Variants in FAM184A observed in about 807,000 individuals in gnomAD.
FAM184A encodes family with sequence similarity 184 member A.
FAM184A carries 99 observed loss-of-function variants against 143.8 expected under a neutral mutation model. The ratio of observed to expected loss-of-function variants is 0.69; its 90% CI spans 0.58 to 0.81. FAM184A has a LOEUF of 0.81. Ranked by LOEUF, FAM184A falls within the 40% of genes least tolerant of loss-of-function variation. FAM184A has a pLI of 0.00. For missense variants in FAM184A, 1,217 were observed against 1,310.5 expected (o/e 0.93, Z 1.10); for synonymous variants, 427 against 446.4 (o/e 0.96, Z 0.55).
chr6:119,012,572 T>C (rs376881349), intron 5 of FAM184A, among the ~76,000 whole-genome samples: 3 of 152,250 alleles, frequency 2.0e-5, no homozygotes, highest in Non-Finnish European at 4.4e-5. Context: ...GTGTGAAATG[T>C]TGTCTACTAG....
At chr6:119,104,861 C>T (rs7745120) in intron 1 of FAM184A, among the ~76,000 whole-genome samples, 195 of 152,158 alleles carry the variant, frequency 1.3e-3, no homozygotes, top group African/African-American at 4.4e-3. Flanking sequence ...AGTGATAAGT[C>T]ATTTTGATAG....
At chr6:119,134,332 A>G (rs1448722659) in intron 1 of FAM184A, among the ~76,000 whole-genome samples, 1 of 152,116 alleles carries the variant, frequency 6.6e-6, no homozygotes, top group East Asian at 1.9e-4. Context: ...GTGCGGTACC[A>G]GTTTTCAGTT....
intron 1 of FAM184A, among the ~76,000 whole-genome samples, chr6:119,135,172 A>G (rs1789630380): frequency 6.6e-6 from 1 of 152,240 alleles, no homozygotes; most frequent in Non-Finnish European, 1.5e-5. Context: ...AATGAACTAC[A>G]GGTACATGTA....
At chr6:118,992,338 C>T (rs1429515360) in intron 9 of FAM184A, among the ~76,000 whole-genome samples, 5 of 152,120 alleles carry the variant, frequency 3.3e-5, no homozygotes, top group South Asian at 4.2e-4. Context: ...GATCCCCAAG[C>T]GCTGTGGACT....
chr6:119,096,896 G>A (rs554707673), intron 1 of FAM184A, among the ~76,000 whole-genome samples: 4 of 152,238 alleles, frequency 2.6e-5, no homozygotes, highest in South Asian at 2.1e-4. Flanking sequence ...CAGGAAGCCC[G>A]TCCAAGCTCA....
intron 1 of FAM184A, among the ~76,000 whole-genome samples, chr6:119,057,583 ATTTT>A (rs1554192896): frequency 6.6e-6 from 1 of 151,976 alleles, no homozygotes; most frequent in Non-Finnish European, 1.5e-5. Context: ...GTACAAAAAA[ATTTT>A]TTTAATTATT....
intron 1 of FAM184A, among the ~76,000 whole-genome samples, chr6:119,139,300 G>C (rs1055539382): frequency 1.3e-5 from 2 of 152,180 alleles, no homozygotes; most frequent in Non-Finnish European, 2.9e-5. Flanking sequence ...CTCTTTATTA[G>C]AAAGTCAAGT....
chr6:118,974,982 A>G (rs1347467945), intron 13 of FAM184A, 42 bp downstream of exon 13: 2 of 1,481,914 alleles, frequency 1.3e-6, no homozygotes, highest in Non-Finnish European at 1.8e-6. Flanking sequence ...ACAGTTTTTC[A>G]GATGACACTG....
chr6:119,100,916 G>A (rs575729537), intron 1 of FAM184A, among the ~76,000 whole-genome samples: 9 of 151,202 alleles, frequency 6.0e-5, no homozygotes, highest in East Asian at 4.0e-4. Context: ...CTGAGATCAC[G>A]CCACTGCACT....
intron 1 of FAM184A, among the ~76,000 whole-genome samples, chr6:119,092,578 C>T (rs1426084609): frequency 1.3e-5 from 2 of 152,116 alleles, no homozygotes; most frequent in Non-Finnish European, 2.9e-5. Context: ...GCCATGATAG[C>T]ATTTGGGTCC....
chr6:119,048,777 G>A (rs550737368), intron 1 of FAM184A, among the ~76,000 whole-genome samples: 4 of 152,244 alleles, frequency 2.6e-5, no homozygotes, highest in African/African-American at 7.2e-5. Context: ...AGGGTAATGG[G>A]ATAATGGGGG....
intron 11 of FAM184A, among the ~76,000 whole-genome samples, 176 bp from the exon 12 acceptor site, chr6:118,976,220 CA>C (rs1562457861): frequency 6.6e-6 from 1 of 151,996 alleles, no homozygotes; most frequent in African/African-American, 2.4e-5. Flanking sequence ...AATATACTAT[CA>C]TGAATTTAAA....
intron 5 of FAM184A, among the ~76,000 whole-genome samples, chr6:119,016,323 A>G (rs1785251838): frequency 1.3e-5 from 2 of 151,522 alleles, no homozygotes; most frequent in South Asian, 2.1e-4. Flanking sequence ...TTGTTCTTTC[A>G]CTCTTTGCAA....
At chr6:119,097,696 T>C (rs1049378484) in intron 1 of FAM184A, among the ~76,000 whole-genome samples, 6 of 152,118 alleles carry the variant, frequency 3.9e-5, no homozygotes, top group Non-Finnish European at 8.8e-5. Flanking sequence ...AGGTAAAAGG[T>C]AGTCTTTTGG....
chr6:118,985,939 T>C (rs571236875), intron 9 of FAM184A, among the ~76,000 whole-genome samples: 267 of 152,300 alleles, frequency 1.8e-3, no homozygotes, highest in African/African-American at 5.7e-3. Flanking sequence ...AATATTTTAA[T>C]TATATGATTT....
intron 1 of FAM184A, among the ~76,000 whole-genome samples, chr6:119,073,765 C>T (rs1787774164): frequency 6.6e-6 from 1 of 152,076 alleles, no homozygotes; most frequent in Admixed American, 6.6e-5. Flanking sequence ...CTGATTAATC[C>T]CCAGAAAATC....
intron 1 of FAM184A, among the ~76,000 whole-genome samples, chr6:119,116,316 A>T (rs1229620327): frequency 1.3e-5 from 2 of 152,072 alleles, no homozygotes; most frequent in African/African-American, 4.8e-5. Flanking sequence ...AGTACACATG[A>T]TCATAAAGAT....
At chr6:119,074,603 CAA>C (rs148111036) in intron 1 of FAM184A, among the ~76,000 whole-genome samples, 1 of 150,116 alleles carries the variant, frequency 6.7e-6, no homozygotes, top group Admixed American at 6.6e-5. Context: ...TTGAAAGTGA[CAA>C]AAAAAAAGCT....
chr6:119,132,405 A>G (rs990416563), intron 1 of FAM184A, among the ~76,000 whole-genome samples: 1 of 152,202 alleles, frequency 6.6e-6, no homozygotes, highest in African/African-American at 2.4e-5. Context: ...TGGCTAGAGG[A>G]CAAGAGCTCT....
Sources: gnomAD v4.1 joint callset for allele counts (sites outside exome capture counted in the v4.1 genomes callset) on GRCh38, gnomAD v4.1.1 for gene constraint, MANE v1.5 for transcripts, NCBI Gene and HGNC (gene_info 2026-07-23, HGNC 2026-07-21) for gene names.